The following CNTNAP3B variants were observed in gnomAD, a reference collection of about 807,000 sequenced individuals.
CNTNAP3B encodes the protein contactin-associated protein-like 3B.
Under a neutral mutation model 108.9 loss-of-function variants are expected in CNTNAP3B, and 25 were observed. The ratio of observed to expected loss-of-function variants is 0.23; its 90% CI spans 0.17 to 0.32. CNTNAP3B has a LOEUF of 0.32. Among genes scored for constraint, CNTNAP3B ranks in the 10% least tolerant of loss-of-function variants. CNTNAP3B has a pLI of 1.00. For synonymous variants in CNTNAP3B, 103 were observed against 473.4 expected (o/e 0.22, Z 10.16); for missense variants, 252 against 1,210.4 (o/e 0.21, Z 11.75).
rs1383169533 is a variant in CNTNAP3B, at chr9:42,104,199, G to A, written c.196+430C>T. On this transcript the variant is annotated intron_variant, in intron 2 of 23. Transcript: ENST00000377561. Reference sequence around the variant, plus strand: ...AAACATAATAAAAATCTTCTTAAACGTTTCTTTACTTTGCCAATTTTCTCA... The same window carrying A: ...AAACATAATAAAAATCTTCTTAAACATTTCTTTACTTTGCCAATTTTCTCA... Among the ~76,000 whole-genome samples the A allele has an allele frequency of 1.6e-4, 19 of 119,902 alleles. 3 individuals carry two copies. The highest frequency in any genetic ancestry group is 3.6e-3 in the Middle Eastern group (1 of 274). 78.7% of individuals were successfully genotyped at this position (119,902 alleles called of 152,430 possible). A position where few individuals can be genotyped will look rare whatever the true frequency, so the allele number is the denominator to read the frequency against.
chr9:42,111,469 G>A (rs1367610634), intron 1 of CNTNAP3B, among the ~76,000 whole-genome samples: 1 of 138,370 alleles, frequency 7.2e-6, no homozygotes, highest in Non-Finnish European at 1.5e-5. Context: ...ACGCTCCTAA[G>A]CTGGTAAACG....
intron 8 of CNTNAP3B, among the ~76,000 whole-genome samples, chr9:41,990,671 T>G (rs1346914165): frequency 2.2e-5 from 3 of 135,200 alleles, no homozygotes; most frequent in Non-Finnish European, 4.7e-5. Flanking sequence ...TTACGCTTTT[T>G]TTTTTTAAAG....
chr9:42,098,514 T>G (rs62558891), intron 2 of CNTNAP3B, among the ~76,000 whole-genome samples: 1 of 84,880 alleles, frequency 1.2e-5, no homozygotes, highest in African/African-American at 4.9e-5. Flanking sequence ...ACCTGGGAGG[T>G]GGAGCTTGCA....
chr9:42,103,260 A>T (rs1312434444), intron 2 of CNTNAP3B, among the ~76,000 whole-genome samples: 1 of 148,074 alleles, frequency 6.8e-6, no homozygotes, highest in East Asian at 2.0e-4. Context: ...ATGAAATCAC[A>T]GACTTAAGAA....
chr9:42,122,228 A>T lies in CNTNAP3B; in HGVS notation c.85+6782T>A, dbSNP rs930683737. 1.4e-5 allele frequency among the ~76,000 whole-genome samples: 2 copies of T among 140,074 alleles called. 1 individual carries two copies. The highest frequency in any genetic ancestry group is 5.6e-5 in the African/African-American group (2 of 35,570). The allele number at this position is 140,074 out of a possible 152,430, so 91.9% of individuals were successfully genotyped here. On this transcript the variant is annotated intron_variant, in intron 1 of 23. Transcript: ENST00000377561. ...ATTGTTATTTTCTATGGTTATTCAC[A>T]GTATCTCAAAATCTATGTGATATTT...
At chr9:41,954,271 G>A (rs1392278258) in intron 12 of CNTNAP3B, among the ~76,000 whole-genome samples, 2 of 152,282 alleles carry the variant, frequency 1.3e-5, no homozygotes, top group Non-Finnish European at 2.9e-5. Flanking sequence ...AAAACAATGT[G>A]ATACATTTTA....
chr9:41,988,411 G>T (rs1825748250), intron 8 of CNTNAP3B, among the ~76,000 whole-genome samples: 1 of 129,338 alleles, frequency 7.7e-6, no homozygotes, highest in Non-Finnish European at 1.6e-5. Context: ...ACCACGCCTG[G>T]CTAATTTTTT....
At chr9:41,926,123 C>T (rs2117979845) in intron 15 of CNTNAP3B, among the ~76,000 whole-genome samples, 1 of 152,380 alleles carries the variant, frequency 6.6e-6, no homozygotes, top group South Asian at 2.1e-4. Flanking sequence ...CATGTGGATA[C>T]CTCCGTTTTT....
intron 13 of CNTNAP3B, among the ~76,000 whole-genome samples, chr9:41,948,304 C>T (rs1435522372): frequency 6.6e-6 from 1 of 151,978 alleles, no homozygotes; most frequent in African/African-American, 2.4e-5. Flanking sequence ...GTTGGCCAGG[C>T]AGGTCTCGAA....
At chr9:41,930,793 G>A (rs1277886093) in intron 14 of CNTNAP3B, among the ~76,000 whole-genome samples, 5 of 152,242 alleles carry the variant, frequency 3.3e-5, no homozygotes, top group Admixed American at 6.5e-5. Flanking sequence ...TCTTAGCTAT[G>A]CCACTAATTT....
chr9:42,094,593 C>T (rs1827863510), intron 2 of CNTNAP3B, among the ~76,000 whole-genome samples: 2 of 129,256 alleles, frequency 1.5e-5, no homozygotes, highest in Non-Finnish European at 1.6e-5. Flanking sequence ...GAGGTTGAGG[C>T]TACACTAAGC....
At chr9:41,921,181 T>C (rs1317220576) in intron 17 of CNTNAP3B, among the ~76,000 whole-genome samples, 2 of 152,292 alleles carry the variant, frequency 1.3e-5, no homozygotes, top group African/African-American at 4.8e-5. Context: ...TCCACCGCAA[T>C]GAATGCTGAT....
chr9:41,923,527 C>T (rs1436895234), intron 16 of CNTNAP3B, among the ~76,000 whole-genome samples: 6 of 152,374 alleles, frequency 3.9e-5, no homozygotes, highest in Admixed American at 1.3e-4. Flanking sequence ...TTTGGGAACC[C>T]GAGGCAGGCG....
chr9:42,113,828 C>A (rs1184382668), intron 1 of CNTNAP3B, among the ~76,000 whole-genome samples: 1 of 138,978 alleles, frequency 7.2e-6, no homozygotes, highest in East Asian at 2.2e-4. Context: ...AGGATAATTG[C>A]TTGAGGGGAT....
Position 42,021,911 on chromosome 9 carries a change from G to A in CNTNAP3B, c.391-8386C>T, listed in dbSNP as rs1270333855. The stretch of plus-strand genomic sequence containing the variant: ...TATGGCAATGGGGAGACCTGATCTA[G>A]TTAACCCCCTTCTTGCCCTTGACCT... On this transcript the variant is annotated intron_variant, in intron 3 of 23. Transcript: ENST00000377561. Among the ~76,000 whole-genome samples, 4 of 132,088 alleles carry A rather than the reference G, an allele frequency of 3.0e-5. 2 individuals are homozygous for A. The highest frequency in any genetic ancestry group is 3.2e-5 in the Non-Finnish European group (2 of 63,038). 86.7% of individuals were successfully genotyped at this position (132,088 alleles called of 152,430 possible).
intron 9 of CNTNAP3B, among the ~76,000 whole-genome samples, chr9:41,982,199 C>A: frequency 1.7e-5 from 1 of 57,418 alleles, no homozygotes; most frequent in Admixed American, 2.2e-4. Context: ...GCAATTGCAA[C>A]AAAAACAAAA....
intron 3 of CNTNAP3B, among the ~76,000 whole-genome samples, chr9:42,063,717 T>A (rs543857414): frequency 3.6e-5 from 5 of 137,060 alleles, no homozygotes; most frequent in Non-Finnish European, 7.7e-5. Flanking sequence ...TACTGTTTCC[T>A]CTCTCTCTAT....
At chr9:41,933,231 G>T (rs1239151288) in intron 14 of CNTNAP3B, among the ~76,000 whole-genome samples, 1 of 152,272 alleles carries the variant, frequency 6.6e-6, no homozygotes, top group South Asian at 2.1e-4. Flanking sequence ...TGTCATGGGG[G>T]GGGCTGTCCT....
chr9:41,962,886 C>T (rs1164144860), intron 11 of CNTNAP3B, among the ~76,000 whole-genome samples: 99 of 151,964 alleles, frequency 6.5e-4, no homozygotes, highest in Admixed American at 3.5e-3. Flanking sequence ...ACCCAGGAGG[C>T]GGAACTTGCA....
Sources: gnomAD v4.1 joint callset for allele counts (sites outside exome capture counted in the v4.1 genomes callset) on GRCh38, gnomAD v4.1.1 for gene constraint, MANE v1.5 for transcripts, NCBI Gene and HGNC (gene_info 2026-07-23, HGNC 2026-07-21) for gene names.